LHFPL3: variants seen among roughly 807,000 people sequenced by gnomAD.
The protein encoded by LHFPL3 is LHFPL tetraspan subfamily member 3 protein.
LHFPL3 carries 5 observed loss-of-function variants against 19.3 expected under a neutral mutation model. The ratio of observed to expected loss-of-function variants is 0.26; its 90% CI spans 0.14 to 0.54. The LOEUF is 0.54. LHFPL3 is among the 20% of genes least tolerant of loss of function. LHFPL3 has a pLI of 0.94. For missense variants in LHFPL3, 249 were observed against 307.4 expected (o/e 0.81, Z 1.42); for synonymous variants, 133 against 126.2 (o/e 1.05, Z -0.36).
At chr7:104,353,322 G>C (rs751115351) in intron 1 of LHFPL3, among the ~76,000 whole-genome samples, 10 of 152,206 alleles carry the variant, frequency 6.6e-5, no homozygotes, top group Non-Finnish European at 1.2e-4. Flanking sequence ...CCATGTTGCT[G>C]AGGTGTGATG....
intron 1 of LHFPL3, among the ~76,000 whole-genome samples, chr7:104,365,837 T>C (rs1790484467): frequency 6.7e-6 from 1 of 148,786 alleles, no homozygotes; most frequent in South Asian, 2.1e-4. Context: ...GCCATCTTCC[T>C]AGAATGTGTG....
At chr7:104,881,946 T>G (rs145020897) in intron 2 of LHFPL3, among the ~76,000 whole-genome samples, 2 of 152,200 alleles carry the variant, frequency 1.3e-5, no homozygotes, top group Non-Finnish European at 2.9e-5. Context: ...AAATTAAGTA[T>G]GTATATTTTT....
intron 1 of LHFPL3, among the ~76,000 whole-genome samples, chr7:104,461,935 T>G (rs1442995801): frequency 1.3e-5 from 2 of 151,964 alleles, no homozygotes; most frequent in Non-Finnish European, 2.9e-5. Context: ...CTTTGAGGAG[T>G]GTTTTGTAAT....
At chr7:104,541,561 G>A (rs13240742) in intron 1 of LHFPL3, among the ~76,000 whole-genome samples, 4,319 of 152,268 alleles carry the variant, frequency 0.028, 99 homozygotes, top group African/African-American at 0.06. Context: ...GGAAAGCTGT[G>A]AAATATGCTG....
intron 2 of LHFPL3, among the ~76,000 whole-genome samples, chr7:104,862,954 T>C (rs1791645476): frequency 6.6e-6 from 1 of 152,164 alleles, no homozygotes; most frequent in Admixed American, 6.5e-5. Flanking sequence ...AGAAAGATGT[T>C]GTATAACTGA....
chr7:104,330,467 G>C (rs996934920), intron 1 of LHFPL3, among the ~76,000 whole-genome samples: 1 of 152,234 alleles, frequency 6.6e-6, no homozygotes, highest in African/African-American at 2.4e-5. Context: ...TGTAGGATGA[G>C]TAGATACTTA....
At chr7:104,335,432 G>C (rs1021713337) in intron 1 of LHFPL3, among the ~76,000 whole-genome samples, 15 of 152,282 alleles carry the variant, frequency 9.9e-5, no homozygotes, top group Admixed American at 7.8e-4. Context: ...GAATAATTTA[G>C]AACCATTTCC....
At chr7:104,461,974 A>G (rs550722709) in intron 1 of LHFPL3, among the ~76,000 whole-genome samples, 26 of 152,260 alleles carry the variant, frequency 1.7e-4, no homozygotes, top group African/African-American at 6.3e-4. Flanking sequence ...TCACCTACCT[A>G]GTTAGCAGTA....
chr7:104,408,895 C>T (rs370861971), intron 1 of LHFPL3, among the ~76,000 whole-genome samples: 18 of 95,574 alleles, frequency 1.9e-4, no homozygotes, highest in East Asian at 5.8e-4. Flanking sequence ...GACGGAGTCT[C>T]GCTCTGTTGC....
chr7:104,564,098 T>C (rs1302351156), intron 1 of LHFPL3, among the ~76,000 whole-genome samples: 1 of 152,152 alleles, frequency 6.6e-6, no homozygotes, highest in African/African-American at 2.4e-5. Flanking sequence ...ACTATTATTG[T>C]ATAAAAGAGA....
intron 1 of LHFPL3, among the ~76,000 whole-genome samples, chr7:104,571,164 C>A (rs1178688814): frequency 6.6e-6 from 1 of 152,140 alleles, no homozygotes; most frequent in South Asian, 2.1e-4. Flanking sequence ...CAACTTTACC[C>A]TAAATGGATT....
At chr7:104,351,187 A>AACATGGTTAG (rs1486261305) in intron 1 of LHFPL3, among the ~76,000 whole-genome samples, 1 of 152,212 alleles carries the variant, frequency 6.6e-6, no homozygotes, top group Non-Finnish European at 1.5e-5. Flanking sequence ...GAGTGCAGTT[A>AACATGGTTAG]ACATGGTTAG....
chr7:104,351,806 A>G (rs1404924571), intron 1 of LHFPL3, among the ~76,000 whole-genome samples: 2 of 152,170 alleles, frequency 1.3e-5, no homozygotes, highest in East Asian at 3.9e-4. Context: ...ATACCTAGGA[A>G]TTTCCATGGC....
chr7:104,385,591 C>G (rs1488508286), intron 1 of LHFPL3, among the ~76,000 whole-genome samples: 1 of 152,138 alleles, frequency 6.6e-6, no homozygotes, highest in Non-Finnish European at 1.5e-5. Context: ...CACCTGAGTT[C>G]CCTGAGAGCA....
At chr7:104,420,233 A>G (rs953415190) in intron 1 of LHFPL3, among the ~76,000 whole-genome samples, 3 of 152,226 alleles carry the variant, frequency 2.0e-5, no homozygotes, top group Non-Finnish European at 4.4e-5. Context: ...AGAGAACCAG[A>G]GGGCCACACT....
At chr7:104,400,137 A>G (rs1015925636) in intron 1 of LHFPL3, among the ~76,000 whole-genome samples, 1 of 139,138 alleles carries the variant, frequency 7.2e-6, no homozygotes, top group Non-Finnish European at 1.5e-5. Flanking sequence ...AAAAAAAAAA[A>G]AAAAAAAAAA....
intron 1 of LHFPL3, among the ~76,000 whole-genome samples, chr7:104,594,297 G>A (rs1398371794): frequency 6.6e-6 from 1 of 152,136 alleles, no homozygotes; most frequent in Admixed American, 6.5e-5. Flanking sequence ...CAATTATGAA[G>A]CTTAGTTTGG....
chr7:104,862,880 G>C (rs886118200), intron 2 of LHFPL3, among the ~76,000 whole-genome samples: 2 of 152,236 alleles, frequency 1.3e-5, no homozygotes, highest in African/African-American at 4.8e-5. Context: ...GGAGCTGGAA[G>C]AAGAGCTCAG....
chr7:104,537,925 A>G (rs1794418581), intron 1 of LHFPL3, among the ~76,000 whole-genome samples: 1 of 152,188 alleles, frequency 6.6e-6, no homozygotes, highest in African/African-American at 2.4e-5. Flanking sequence ...GCTACTCTGA[A>G]GCCAGGGATT....
Sources: gnomAD v4.1 joint callset for allele counts (sites outside exome capture counted in the v4.1 genomes callset) on GRCh38, gnomAD v4.1.1 for gene constraint, MANE v1.5 for transcripts, NCBI Gene and HGNC (gene_info 2026-07-23, HGNC 2026-07-21) for gene names.